Variants in ITGA9 observed in about 807,000 individuals in gnomAD.
The protein encoded by ITGA9 is integrin alpha-9.
Under a neutral mutation model 127.8 loss-of-function variants are expected in ITGA9, and 56 were observed. That is an observed-to-expected ratio of 0.44 (90% CI 0.35 to 0.55). The LOEUF is 0.55. ITGA9 is among the 20% of genes least tolerant of loss of function. ITGA9 has a pLI of 0.00. For synonymous variants in ITGA9, 508 were observed against 514.5 expected (o/e 0.99, Z 0.17); for missense variants, 1,196 against 1,347.1 (o/e 0.89, Z 1.76).
At chr3:37,733,837 A>G (rs1454200812) in intron 19 of ITGA9, among the ~76,000 whole-genome samples, 4 of 152,198 alleles carry the variant, frequency 2.6e-5, no homozygotes, top group Admixed American at 2.6e-4. Context: ...AAAAGGTAAT[A>G]ACTTTCTCAC....
At chr3:37,784,571 A>G (rs1427201148) in intron 25 of ITGA9, among the ~76,000 whole-genome samples, 1 of 152,244 alleles carries the variant, frequency 6.6e-6, no homozygotes, top group Admixed American at 6.5e-5. Context: ...AGGCAGGAAG[A>G]TGCCTATAAA....
intron 16 of ITGA9, among the ~76,000 whole-genome samples, chr3:37,649,298 A>T (rs1700408273): frequency 6.6e-6 from 1 of 152,160 alleles, no homozygotes; most frequent in Non-Finnish European, 1.5e-5. Context: ...TAGATTATTA[A>T]AAAAAACAAC....
At chr3:37,785,237 C>G (rs556118346) in intron 26 of ITGA9, among the ~76,000 whole-genome samples, 159 bp downstream of exon 26, 20 of 152,302 alleles carry the variant, frequency 1.3e-4, no homozygotes, top group Admixed American at 1.3e-4. Flanking sequence ...TCCAGGCCCC[C>G]CCTGGAGAAC....
intron 27 of ITGA9, among the ~76,000 whole-genome samples, chr3:37,805,593 G>A (rs564252493): frequency 2.0e-4 from 30 of 152,186 alleles, no homozygotes; most frequent in South Asian, 1.0e-3. Flanking sequence ...TCATTATGTC[G>A]TTAGGTTGAA....
chr3:37,645,179 A>G (rs1575178720), intron 16 of ITGA9, among the ~76,000 whole-genome samples: 1 of 152,210 alleles, frequency 6.6e-6, no homozygotes, highest in Non-Finnish European at 1.5e-5. Flanking sequence ...GGGCTATAGA[A>G]GGAACACCAG....
chr3:37,641,183 G>A (rs191606977), intron 16 of ITGA9, among the ~76,000 whole-genome samples: 1 of 152,326 alleles, frequency 6.6e-6, no homozygotes, highest in East Asian at 1.9e-4. Context: ...CAGCGGGCCA[G>A]CGAGTGTTAC....
intron 15 of ITGA9, among the ~76,000 whole-genome samples, chr3:37,586,576 A>G (rs1343582698): frequency 2.6e-5 from 4 of 152,240 alleles, no homozygotes; most frequent in Non-Finnish European, 5.9e-5. Context: ...AAAATTTATA[A>G]TTACTCTGAT....
intron 13 of ITGA9, among the ~76,000 whole-genome samples, chr3:37,529,014 G>C (rs1032431280): frequency 4.4e-5 from 4 of 91,026 alleles, no homozygotes; most frequent in Non-Finnish European, 6.8e-5. Flanking sequence ...ATACAGTATG[G>C]ACTCTTGTTT....
chr3:37,590,200 G>A (rs868444048), intron 15 of ITGA9, among the ~76,000 whole-genome samples: 1 of 152,174 alleles, frequency 6.6e-6, no homozygotes. Flanking sequence ...GCAGGTTGTG[G>A]CCACCCTTTC....
intron 14 of ITGA9, among the ~76,000 whole-genome samples, chr3:37,533,738 T>C (rs144547438): frequency 2.0e-5 from 3 of 152,310 alleles, no homozygotes; most frequent in Admixed American, 6.5e-5. Flanking sequence ...TGAAGCCTCA[T>C]TGGACCACAG....
rs1231656228 is a variant in ITGA9 at position 37,452,579 on chromosome 3, CG to C, written c.185+21del. The C allele has an allele frequency of 2.0e-6, 3 of 1,502,726 alleles. No individual in the cohort carries two copies. Among genetic ancestry groups the C allele is most frequent in the Non-Finnish European group, 2.7e-6 (3 of 1,124,014 alleles). 93.1% of individuals were successfully genotyped at this position (1,502,726 alleles called of 1,614,324 possible). On this transcript the variant is annotated intron_variant, in intron 1 of 27. Coordinates refer to ENST00000264741, the MANE Select transcript of ITGA9 (RefSeq NM_002207.3). This position sits in a 1 kb window ranked among gnomAD's most constrained non-coding sequence, Gnocchi z 7.3. ...GCGCTGGTGAGTGCCCGCCCGACTC[CG>C]CGACCCTGGCCCGCGCGGCCACCGC...
intron 7 of ITGA9, 22 bp from the exon 8 acceptor site, chr3:37,508,536 AT>A (rs762490469): frequency 0.045 from 44,010 of 979,234 alleles, 5 homozygotes; most frequent in Non-Finnish European, 0.048. Context: ...TCCTAACTAG[AT>A]TTTTTTTTTT....
chr3:37,717,663 G>A (rs1177073316), intron 18 of ITGA9, among the ~76,000 whole-genome samples: 1 of 152,020 alleles, frequency 6.6e-6, no homozygotes, highest in Non-Finnish European at 1.5e-5. Flanking sequence ...GAACAATAAG[G>A]GGAAAATCCA....
At chr3:37,639,424 A>G (rs7374409) in intron 16 of ITGA9, among the ~76,000 whole-genome samples, 88,909 of 152,022 alleles carry the variant, frequency 0.58, 26,771 homozygotes, top group African/African-American at 0.73. Context: ...TATGGAGAAA[A>G]GGAGAATTGG....
chr3:37,771,918 C>T (rs1232791228), intron 23 of ITGA9, among the ~76,000 whole-genome samples: 1 of 152,138 alleles, frequency 6.6e-6, no homozygotes, highest in African/African-American at 2.4e-5. Flanking sequence ...TTCCCTCCAC[C>T]TCTACTCCTC....
At chr3:37,760,592 A>G (rs960741687) in intron 23 of ITGA9, among the ~76,000 whole-genome samples, 8 of 152,246 alleles carry the variant, frequency 5.3e-5, no homozygotes, top group African/African-American at 1.9e-4. Context: ...TAAACTCTTC[A>G]ATAAATGATA....
chr3:37,740,599 C>T (rs1696420985), intron 20 of ITGA9, among the ~76,000 whole-genome samples: 1 of 152,132 alleles, frequency 6.6e-6, no homozygotes, highest in African/African-American at 2.4e-5. Context: ...CTCTGGTTTG[C>T]AGGGGGGCCT....
chr3:37,687,561 A>G (rs1317870194), intron 18 of ITGA9, among the ~76,000 whole-genome samples: 3 of 152,220 alleles, frequency 2.0e-5, no homozygotes, highest in Admixed American at 6.5e-5. Context: ...AATGTCTACA[A>G]ATAGCTTCAT....
chr3:37,516,490 GTACA>G (rs150743700), intron 9 of ITGA9, among the ~76,000 whole-genome samples: 6,759 of 152,200 alleles, frequency 0.044, 413 homozygotes, highest in African/African-American at 0.14. Flanking sequence ...GGAGCTGGCT[GTACA>G]GTACCTGGTA....
Sources: allele counts gnomAD v4.1 joint callset (sites outside exome capture counted in the v4.1 genomes callset), GRCh38; gene constraint gnomAD v4.1.1; non-coding constraint Gnocchi (gnomAD v3.1); transcripts MANE v1.5; gene names NCBI Gene and HGNC (gene_info 2026-07-23, HGNC 2026-07-21).